The following CNTN1 variants were observed in gnomAD, a reference collection of about 807,000 sequenced individuals.
The protein encoded by CNTN1 is contactin 1, also known as contactin-1.
A neutral mutation model predicts 126.4 loss-of-function variants in CNTN1; 38 were observed. The observed-to-expected ratio is 0.30, with a 90% CI of 0.23 to 0.39. The LOEUF (loss-of-function observed/expected upper bound fraction) is 0.39, where lower values mean the gene tolerates loss of function less well. Ranked by LOEUF, CNTN1 falls within the 10% of genes least tolerant of loss-of-function variation. CNTN1 has a pLI of 1.00. For missense variants in CNTN1, 1,009 were observed against 1,248.4 expected, an observed-to-expected ratio of 0.81 and a Z score of 2.89; for synonymous variants, 413 against 422.6, an observed-to-expected ratio of 0.98 and a Z score of 0.28.
At position 40,929,955 on chromosome 12, in the gene CNTN1, C is replaced by A; in HGVS notation, c.656C>A (p.Thr219Lys). Residue 219 changes from threonine (T) to lysine (K), a missense_variant, in exon 7 of 24, where the codon ACA becomes AAA. Thr to Lys is a moderately conservative substitution (Grantham distance 78). Coordinates refer to ENST00000551295, the MANE Select transcript of CNTN1 (RefSeq NM_001843.4). ...YSCFVSSPSITKSVFSKFIPL... is the reference protein window; with the variant it reads ...YSCFVSSPSIKKSVFSKFIPL... ...TGCTTTGTTTCCAGTCCTTCTATTA[C>A]AAAGAGCGTGTTCAGCAAATTCATC... The A allele has an allele frequency of 6.2e-7, 1 of 1,612,800 alleles. No homozygotes were observed. The highest frequency in any genetic ancestry group is 8.5e-7 in the Non-Finnish European group (1 of 1,179,038).
chr12:40,693,419 C>T (rs1454027587), intron 1 of CNTN1, among the ~76,000 whole-genome samples: 4 of 152,172 alleles, frequency 2.6e-5, no homozygotes, highest in Admixed American at 6.5e-5. Flanking sequence ...CCTAGGTGAC[C>T]GCATCTGGGT....
intron 1 of CNTN1, among the ~76,000 whole-genome samples, chr12:40,724,157 A>C (rs923858002): frequency 6.6e-6 from 1 of 152,278 alleles, no homozygotes; most frequent in Non-Finnish European, 1.5e-5. Flanking sequence ...GAACCTCTAA[A>C]TGTAACATGT....
chr12:40,805,309 A>G (rs189114737), intron 1 of CNTN1, among the ~76,000 whole-genome samples: 83 of 151,892 alleles, frequency 5.5e-4, no homozygotes, highest in African/African-American at 2.0e-3. Flanking sequence ...ACCATCTGAT[A>G]TTGTTCCAGA....
chr12:40,739,561 A>C (rs1937844487), intron 1 of CNTN1, among the ~76,000 whole-genome samples: 1 of 152,092 alleles, frequency 6.6e-6, no homozygotes, highest in Admixed American at 6.6e-5. Flanking sequence ...CTGAAATTCA[A>C]ACTTAACAGG....
At chr12:40,931,489 T>C (rs1167308904) in intron 7 of CNTN1, among the ~76,000 whole-genome samples, 1 of 152,006 alleles carries the variant, frequency 6.6e-6, no homozygotes, top group Admixed American at 6.6e-5. Flanking sequence ...TCCGAAACTT[T>C]TCTTGTGTTT....
At chr12:40,828,731 G>A (rs902119540) in intron 1 of CNTN1, among the ~76,000 whole-genome samples, 1 of 152,170 alleles carries the variant, frequency 6.6e-6, no homozygotes, top group African/African-American at 2.4e-5. Context: ...CCTTCTCCCA[G>A]AAGCAGAGGA....
At chr12:40,834,057 G>A (rs1188524506) in intron 1 of CNTN1, among the ~76,000 whole-genome samples, 1 of 152,208 alleles carries the variant, frequency 6.6e-6, no homozygotes, top group Non-Finnish European at 1.5e-5. Flanking sequence ...TGTCCAAGGA[G>A]AGATTGTTAA....
chr12:40,983,468 C>CGTGTGTGT (rs141568233), intron 16 of CNTN1, among the ~76,000 whole-genome samples: 15 of 145,970 alleles, frequency 1.0e-4, no homozygotes, highest in African/African-American at 2.5e-4. Context: ...TGATATTCAC[C>CGTGTGTGT]GTGTGTGTGT....
Position 40,916,794 on chromosome 12 carries a change from G to A in CNTN1, c.95-1845G>A, listed in dbSNP as rs575518536. On this transcript the variant is annotated intron_variant, in intron 3 of 23. Coordinates refer to ENST00000551295, the MANE Select transcript of CNTN1 (RefSeq NM_001843.4). ...ATGTTCCTTTCTTTTCTGAATGTAC[G>A]AGCCCTGTAAAACAAATTGCTTGCC... 1.4e-4 allele frequency among the ~76,000 whole-genome samples: 22 copies of A among 151,986 alleles called. 1 individual carries two copies. The highest frequency in any genetic ancestry group is 3.4e-4 in the African/African-American group (14 of 41,476).
At chr12:40,744,306 A>AC (rs1273330403) in intron 1 of CNTN1, among the ~76,000 whole-genome samples, 1 of 146,220 alleles carries the variant, frequency 6.8e-6, no homozygotes, top group Admixed American at 6.7e-5. Context: ...AAATTAAATA[A>AC]AAAAAAAATA....
At chr12:40,731,917 G>A (rs1370728352) in intron 1 of CNTN1, among the ~76,000 whole-genome samples, 1 of 151,830 alleles carries the variant, frequency 6.6e-6, no homozygotes, top group Admixed American at 6.6e-5. Flanking sequence ...AACAAAATAA[G>A]CACATAACAT....
At chr12:40,969,788 T>C (rs1215888379) in intron 15 of CNTN1, among the ~76,000 whole-genome samples, 1 of 152,170 alleles carries the variant, frequency 6.6e-6, no homozygotes, top group Non-Finnish European at 1.5e-5. Flanking sequence ...GAGTGAGAGT[T>C]AGCATGCTAC....
intron 1 of CNTN1, among the ~76,000 whole-genome samples, chr12:40,701,219 G>T (rs1241257232): frequency 1.3e-5 from 2 of 152,118 alleles, no homozygotes; most frequent in East Asian, 3.9e-4. Context: ...TTTTATTTAT[G>T]AATATCTTAT....
chr12:40,865,307 C>T (rs1019442319), intron 1 of CNTN1, among the ~76,000 whole-genome samples: 1 of 152,066 alleles, frequency 6.6e-6, no homozygotes, highest in African/African-American at 2.4e-5. Flanking sequence ...AGTCTCTTCA[C>T]TTTCTTGATG....
chr12:41,069,284 A>C (rs1465727045), intron 23 of CNTN1, among the ~76,000 whole-genome samples: 1 of 152,206 alleles, frequency 6.6e-6, no homozygotes, highest in East Asian at 1.9e-4. Context: ...AGATTATTTA[A>C]TATCAGAAAT....
intron 19 of CNTN1, among the ~76,000 whole-genome samples, chr12:41,019,120 C>T (rs1221661017): frequency 1.3e-5 from 2 of 152,164 alleles, no homozygotes; most frequent in Non-Finnish European, 2.9e-5. Flanking sequence ...CGCGCCATTG[C>T]ACTCCAGCCT....
At chr12:40,790,751 G>C (rs1248997871) in intron 1 of CNTN1, among the ~76,000 whole-genome samples, 1 of 152,104 alleles carries the variant, frequency 6.6e-6, no homozygotes, top group Non-Finnish European at 1.5e-5. Flanking sequence ...GCTGCGATGT[G>C]AATCTTTTTT....
At chr12:40,792,096 G>A (rs1315284622) in intron 1 of CNTN1, among the ~76,000 whole-genome samples, 3 of 152,034 alleles carry the variant, frequency 2.0e-5, no homozygotes, top group Non-Finnish European at 4.4e-5. Flanking sequence ...TAATATTAGG[G>A]TTTGGAGCAC....
chr12:40,918,854 A>G, intron 4 of CNTN1, 83 bp downstream of exon 4: 1 of 1,521,874 alleles, frequency 6.6e-7, no homozygotes, highest in Non-Finnish European at 9.1e-7. Flanking sequence ...TACAGATGTA[A>G]TATAGTGCTT....
Sources: gnomAD v4.1 joint callset for allele counts (sites outside exome capture counted in the v4.1 genomes callset) on GRCh38, gnomAD v4.1.1 for gene constraint, MANE v1.5 for transcripts, NCBI Gene and HGNC (gene_info 2026-07-23, HGNC 2026-07-21) for gene names.